Variants in B3GALT1 observed in about 807,000 individuals in gnomAD.
B3GALT1 encodes beta-1,3-galactosyltransferase 1.
In B3GALT1, 10 loss-of-function variants were observed where a neutral mutation model predicts 23.2. That is an observed-to-expected ratio of 0.43 (90% CI 0.27 to 0.73). The LOEUF is 0.73. Among genes scored for constraint, B3GALT1 ranks in the 30% least tolerant of loss-of-function variants. The pLI, the probability that B3GALT1 is intolerant of heterozygous loss-of-function variation, is 0.21. For missense variants in B3GALT1, 299 were observed against 405.4 expected, an observed-to-expected ratio of 0.74 and a Z score of 2.25; for synonymous variants, 156 against 141.5, an observed-to-expected ratio of 1.10 and a Z score of -0.73.
chr2:167,608,520 G>A (rs1685006459), intron 2 of B3GALT1, among the ~76,000 whole-genome samples: 1 of 151,910 alleles, frequency 6.6e-6, no homozygotes, highest in African/African-American at 2.4e-5. Context: ...TGTGTGTGGT[G>A]TGTACTTTAT....
intron 1 of B3GALT1, among the ~76,000 whole-genome samples, chr2:167,420,843 C>T (rs1417488798): frequency 6.6e-6 from 1 of 152,094 alleles, no homozygotes; most frequent in Non-Finnish European, 1.5e-5. Flanking sequence ...AACTTGATTG[C>T]ATGAAGTAGA....
intron 1 of B3GALT1, among the ~76,000 whole-genome samples, chr2:167,302,294 A>G (rs1397708411): frequency 6.6e-6 from 1 of 152,118 alleles, no homozygotes; most frequent in African/African-American, 2.4e-5. Context: ...GTATATGAAA[A>G]TGTTTTTGCT....
Position 167,870,043 on chromosome 2 carries a change from T to C in B3GALT1, c.*23T>C. On this transcript the variant is annotated 3_prime_UTR_variant, in exon 5 of 5. Coordinates refer to ENST00000392690, the MANE Select transcript of B3GALT1 (RefSeq NM_020981.4). Reference sequence around the variant, plus strand: ...TAGGATTTTTACCAATGTAAATATGTTTCTTTTCTTTTTTTAAGAAATGGG... The same window carrying C: ...TAGGATTTTTACCAATGTAAATATGCTTCTTTTCTTTTTTTAAGAAATGGG... The C allele has an allele frequency of 1.9e-6, 3 of 1,548,604 alleles. No homozygotes were observed. Among genetic ancestry groups the C allele is most frequent in the Non-Finnish European group, 2.6e-6 (3 of 1,146,702 alleles).
At position 167,835,804 on chromosome 2, in the gene B3GALT1, C is replaced by T. The variant is rs553793600; in HGVS notation, c.-230+17011C>T. Among the ~76,000 whole-genome samples the T allele has an allele frequency of 7.2e-5, 11 of 152,304 alleles. 1 individual carries two copies. The highest frequency in any genetic ancestry group is 5.9e-4 in the Admixed American group (9 of 15,296). ...AGTAGGGGCAGACTGACACCTCACA[C>T]AGCCGGGTACTCCTCTGAGACAAAA... On this transcript the variant is annotated intron_variant, in intron 4 of 4. Transcript: ENST00000392690.
chr2:167,614,557 T>A (rs1402347726), intron 2 of B3GALT1, among the ~76,000 whole-genome samples: 1 of 151,946 alleles, frequency 6.6e-6, no homozygotes, highest in Non-Finnish European at 1.5e-5. Context: ...AAGATCAATA[T>A]TCAAGAGCAG....
rs192463328 is a variant in B3GALT1 at position 167,664,638 on chromosome 2, C to G, written c.-352+17672C>G. Among the ~76,000 whole-genome samples, 18 of 152,134 alleles carry G rather than the reference C, an allele frequency of 1.2e-4. No homozygotes were observed. In the South Asian group the frequency reaches 1.9e-3, roughly 16 times the overall value. ...TTGTTTGTATCCTCTTTTATTTCCTCGAGCAGTGGTTTGTAGTTCTCCTTA... is the reference window on the plus strand; with the variant it reads ...TTGTTTGTATCCTCTTTTATTTCCTGGAGCAGTGGTTTGTAGTTCTCCTTA... On this transcript the variant is annotated intron_variant, in intron 3 of 4. Transcript: ENST00000392690.
chr2:167,435,338 A>G (rs765351921), intron 1 of B3GALT1, among the ~76,000 whole-genome samples: 21 of 149,908 alleles, frequency 1.4e-4, no homozygotes, highest in Non-Finnish European at 2.7e-4. Context: ...TCTGTTCTAT[A>G]TAAGAACAGA....
At chr2:167,585,422 G>A (rs1193150097) in intron 2 of B3GALT1, among the ~76,000 whole-genome samples, 1 of 152,054 alleles carries the variant, frequency 6.6e-6, no homozygotes, top group Admixed American at 6.6e-5. Context: ...CTATCCAAAT[G>A]GACAATAAAC....
chr2:167,605,696 T>C (rs1240376715), intron 2 of B3GALT1, among the ~76,000 whole-genome samples: 1 of 152,256 alleles, frequency 6.6e-6, no homozygotes, highest in Non-Finnish European at 1.5e-5. Flanking sequence ...TTGGAAAGAA[T>C]TTGCAGCCAT....
At chr2:167,506,351 A>C (rs185423966) in intron 2 of B3GALT1, among the ~76,000 whole-genome samples, 1 of 152,326 alleles carries the variant, frequency 6.6e-6, no homozygotes, top group East Asian at 1.9e-4. Flanking sequence ...ACTTTGAAGC[A>C]AAAAGGAGAC....
chr2:167,681,820 C>G (rs1351497175), intron 3 of B3GALT1, among the ~76,000 whole-genome samples: 1 of 152,264 alleles, frequency 6.6e-6, no homozygotes, highest in East Asian at 1.9e-4. Flanking sequence ...GGCCCTAAAT[C>G]TAAAGAGGAT....
At chr2:167,670,889 G>A (rs1686314121) in intron 3 of B3GALT1, among the ~76,000 whole-genome samples, 1 of 152,090 alleles carries the variant, frequency 6.6e-6, no homozygotes, top group South Asian at 2.1e-4. Flanking sequence ...AAGCTTCTGC[G>A]ATTTTAGGAC....
At chr2:167,794,423 TAGG>T (rs551007475) in intron 3 of B3GALT1, among the ~76,000 whole-genome samples, 50 of 152,312 alleles carry the variant, frequency 3.3e-4, no homozygotes, top group African/African-American at 1.0e-3. Context: ...TAAAAAATTG[TAGG>T]AGAAGTGCCA....
At chr2:167,492,769 A>G (rs1193958121) in intron 2 of B3GALT1, among the ~76,000 whole-genome samples, 4 of 152,130 alleles carry the variant, frequency 2.6e-5, no homozygotes, top group African/African-American at 9.7e-5. Flanking sequence ...CTTAGCTACT[A>G]TGAATTTTTT....
At chr2:167,856,945 T>G (rs1408047589) in intron 4 of B3GALT1, among the ~76,000 whole-genome samples, 1 of 151,984 alleles carries the variant, frequency 6.6e-6, no homozygotes, top group African/African-American at 2.4e-5. Flanking sequence ...TATAAAAGAG[T>G]CCTTTGTTAA....
intron 3 of B3GALT1, among the ~76,000 whole-genome samples, chr2:167,764,585 A>T (rs1400349307): frequency 1.3e-5 from 2 of 152,228 alleles, no homozygotes; most frequent in Non-Finnish European, 2.9e-5. Context: ...TACATATGTA[A>T]AATGAACACA....
chr2:167,388,493 T>C (rs1697958647), intron 1 of B3GALT1, among the ~76,000 whole-genome samples: 1 of 152,120 alleles, frequency 6.6e-6, no homozygotes, highest in Non-Finnish European at 1.5e-5. Context: ...CTCAAGTTCT[T>C]TTATTCCAGC....
At chr2:167,798,790 T>C (rs1688586228) in intron 3 of B3GALT1, among the ~76,000 whole-genome samples, 1 of 152,210 alleles carries the variant, frequency 6.6e-6, no homozygotes, top group Non-Finnish European at 1.5e-5. Context: ...TGCAGGAACA[T>C]TTTCAAGAGG....
chr2:167,317,250 G>T (rs1190907724), intron 1 of B3GALT1, among the ~76,000 whole-genome samples: 3 of 152,110 alleles, frequency 2.0e-5, no homozygotes, highest in African/African-American at 7.2e-5. Context: ...AATGTTACAG[G>T]ATCCAGATAA....
Sources: gnomAD v4.1 joint callset for allele counts (sites outside exome capture counted in the v4.1 genomes callset) on GRCh38, gnomAD v4.1.1 for gene constraint, MANE v1.5 for transcripts, NCBI Gene and HGNC (gene_info 2026-07-23, HGNC 2026-07-21) for gene names.